Variants in FMN1 observed in about 807,000 individuals in gnomAD.
FMN1 encodes formin 1.
Under a neutral mutation model 132.4 loss-of-function variants are expected in FMN1, and 110 were observed. The observed-to-expected ratio is 0.83, with a 90% CI of 0.71 to 0.97. FMN1 has a LOEUF of 0.97. Among genes scored for constraint, FMN1 ranks in the 50% least tolerant of loss-of-function variants. The probability of loss-of-function intolerance (pLI) is 0.00; values close to 1 mark genes in which losing one functional copy is unlikely to be tolerated. For synonymous variants in FMN1, 722 were observed against 651.7 expected, an observed-to-expected ratio of 1.11 and a Z score of -1.64; for missense variants, 1,792 against 1,705.3, an observed-to-expected ratio of 1.05 and a Z score of -0.90.
At chr15:32,884,512 T>G (rs1052060677) in intron 16 of FMN1, among the ~76,000 whole-genome samples, 37 of 152,214 alleles carry the variant, frequency 2.4e-4, no homozygotes, top group African/African-American at 8.7e-4. Context: ...AATCTCCCCA[T>G]GTCAACATCA....
At chr15:32,980,019 G>C (rs943599964) in intron 7 of FMN1, among the ~76,000 whole-genome samples, 1 of 152,140 alleles carries the variant, frequency 6.6e-6, no homozygotes. Context: ...ATCTGCCATT[G>C]AATGGGTTTT....
At chr15:32,923,014 C>T (rs984501934) in intron 10 of FMN1, among the ~76,000 whole-genome samples, 7 of 152,164 alleles carry the variant, frequency 4.6e-5, no homozygotes, top group Non-Finnish European at 8.8e-5. Flanking sequence ...AGAAGGAATA[C>T]TCTCCTCTAA....
chr15:32,853,124 G>A (rs1183606579), intron 17 of FMN1, among the ~76,000 whole-genome samples: 1 of 152,212 alleles, frequency 6.6e-6, no homozygotes, highest in Admixed American at 6.5e-5. Flanking sequence ...AAGTAAAAAG[G>A]TGATTTGTTC....
At chr15:32,861,229 C>T (rs537884996) in intron 16 of FMN1, among the ~76,000 whole-genome samples, 1 of 152,320 alleles carries the variant, frequency 6.6e-6, no homozygotes, top group South Asian at 2.1e-4. Context: ...GACAATAACT[C>T]CTTCAAGGTT....
chr15:33,169,379 C>A (rs1965228281), intron 3 of FMN1, among the ~76,000 whole-genome samples: 1 of 152,114 alleles, frequency 6.6e-6, no homozygotes. Context: ...AAACATAAAA[C>A]AGTTTAATAA....
chr15:32,905,296 G>A (rs1455026963), intron 12 of FMN1, among the ~76,000 whole-genome samples: 2 of 152,206 alleles, frequency 1.3e-5, no homozygotes, highest in Non-Finnish European at 2.9e-5. Flanking sequence ...CACCTAAGGT[G>A]TATGTGCACA....
Position 33,104,968 on chromosome 15 carries a change from T to G in FMN1, c.1868-15994A>C, listed in dbSNP as rs1031618543. Among the ~76,000 whole-genome samples the G allele has an allele frequency of 2.0e-5, 3 of 152,078 alleles. No individual in the cohort carries two copies. The East Asian group carries it at 5.8e-4, about 29-fold the overall frequency. On this transcript the variant is annotated intron_variant, in intron 4 of 20. Transcript: ENST00000616417. ...GATAAGCAATAAGCAAAAGATAGAA[T>G]GACCCTCTCCCTCTCCAAGAGCTCT...
At chr15:33,030,917 C>T (rs1011707389) in intron 6 of FMN1, among the ~76,000 whole-genome samples, 3 of 152,078 alleles carry the variant, frequency 2.0e-5, no homozygotes, top group African/African-American at 7.2e-5. Context: ...TGGTTTGCTG[C>T]ACCCATGAAC....
chr15:33,058,928 A>T (rs2037358556), intron 6 of FMN1, among the ~76,000 whole-genome samples: 1 of 152,208 alleles, frequency 6.6e-6, no homozygotes, highest in Non-Finnish European at 1.5e-5. Flanking sequence ...TCTTATTTTG[A>T]AATACAGAAT....
intron 9 of FMN1, among the ~76,000 whole-genome samples, chr15:32,943,161 C>G (rs1321610141): frequency 6.6e-6 from 1 of 152,152 alleles, no homozygotes; most frequent in African/African-American, 2.4e-5. Context: ...CTGGTCTCAA[C>G]CATTTCAGAT....
intron 16 of FMN1, among the ~76,000 whole-genome samples, chr15:32,872,304 T>C (rs1306522567): frequency 2.0e-5 from 3 of 152,252 alleles, no homozygotes; most frequent in Non-Finnish European, 2.9e-5. Flanking sequence ...ATAGAGCCTA[T>C]ATTTTGGGGC....
intron 6 of FMN1, among the ~76,000 whole-genome samples, chr15:33,053,302 C>A (rs1259309644): frequency 6.6e-6 from 1 of 152,170 alleles, no homozygotes. Flanking sequence ...GGGTCGCAGG[C>A]ACCCCTGCCT....
At chr15:33,028,491 A>G (rs2035784098) in intron 6 of FMN1, among the ~76,000 whole-genome samples, 1 of 151,274 alleles carries the variant, frequency 6.6e-6, no homozygotes, top group Admixed American at 6.6e-5. Flanking sequence ...ATGCTGGAAA[A>G]AACATATAAA....
chr15:33,059,888 A>G (rs1407885013), intron 6 of FMN1, among the ~76,000 whole-genome samples: 2 of 152,216 alleles, frequency 1.3e-5, no homozygotes, highest in African/African-American at 4.8e-5. Flanking sequence ...GTGATTCTTG[A>G]GTCTCCAGTC....
chr15:33,154,181 T>G lies in FMN1; in HGVS notation c.734A>C (p.Asp245Ala). The change falls in exon 4 of 21, where the codon GAC (aspartate) becomes GCC (alanine). Residue 245 changes from aspartate to alanine, a missense_variant. Transcript: ENST00000616417. Reference sequence around the variant, plus strand: ...AAAGCTCCCAAAGCCAAGGTCTGTGTCTGGCGTCTTGGGAATATCTGGGGG... The same window carrying G: ...AAAGCTCCCAAAGCCAAGGTCTGTGGCTGGCGTCTTGGGAATATCTGGGGG... ...SCPPDIPKTP[D>A]TDLGFGSFET... The G allele has an allele frequency of 6.5e-7, 1 of 1,536,424 alleles. No individual in the cohort carries two copies. The highest frequency in any genetic ancestry group is 8.7e-7 in the Non-Finnish European group (1 of 1,146,974).
In FMN1 at chr15:32,950,988, T is replaced by G. The variant is rs895074444; in HGVS notation, c.3138+13119A>C. ...ATTTGGAGAACTTTTGCTTTTTTTT[T>G]TAAAGTCTTAATATTGCTTGACTTT... On this transcript the variant is annotated intron_variant, in intron 9 of 20. Transcript: ENST00000616417. Among the ~76,000 whole-genome samples the G allele has an allele frequency of 2.0e-5, 3 of 146,690 alleles. No individual in the cohort carries two copies. In the East Asian group the frequency reaches 7.4e-4, roughly 36 times the overall value.
Position 32,871,309 on chromosome 15 carries a change from T to A in FMN1, c.3836-14202A>T, listed in dbSNP as rs114742040. Among the ~76,000 whole-genome samples the A allele has an allele frequency of 4.2e-3, 635 of 152,346 alleles. 2 individuals are homozygous for A. The highest frequency in any genetic ancestry group is 0.015 in the African/African-American group (608 of 41,588). ...TTCTCTTTCAGGGTCTGGGCCTCGGTATCGCGCTCCTTGCCCCTCCATCAT... is the reference window on the plus strand; with the variant it reads ...TTCTCTTTCAGGGTCTGGGCCTCGGAATCGCGCTCCTTGCCCCTCCATCAT... On this transcript the variant is annotated intron_variant, in intron 16 of 20. Transcript: ENST00000616417.
chr15:32,872,951 A>T (rs2059551422), intron 16 of FMN1, among the ~76,000 whole-genome samples: 1 of 151,502 alleles, frequency 6.6e-6, no homozygotes, highest in South Asian at 2.1e-4. Flanking sequence ...AAAAAAAAGG[A>T]TGGAAAGTTA....
At chr15:32,945,387 A>C (rs1338527304) in intron 9 of FMN1, among the ~76,000 whole-genome samples, 1 of 152,200 alleles carries the variant, frequency 6.6e-6, no homozygotes, top group Non-Finnish European at 1.5e-5. Flanking sequence ...AAGTATACAG[A>C]CAGCCATAGT....
Sources: allele counts gnomAD v4.1 joint callset (sites outside exome capture counted in the v4.1 genomes callset), GRCh38; gene constraint gnomAD v4.1.1; transcripts MANE v1.5; gene names NCBI Gene and HGNC (gene_info 2026-07-23, HGNC 2026-07-21).